The following FRMPD4 variants were observed in gnomAD, a reference collection of about 807,000 sequenced individuals.
FRMPD4 encodes FERM and PDZ domain containing 4.
In FRMPD4, 22 loss-of-function variants were observed where a neutral mutation model predicts 94.1. The observed-to-expected ratio is 0.23, with a 90% CI of 0.17 to 0.33. The LOEUF is 0.33. FRMPD4 is among the 10% of genes least tolerant of loss of function. The pLI, the probability that FRMPD4 is intolerant of heterozygous loss-of-function variation, is 1.00. For missense variants in FRMPD4, 1,111 were observed against 1,339.9 expected (o/e 0.83, Z 2.67); for synonymous variants, 631 against 548.6 (o/e 1.15, Z -2.10).
intron 1 of FRMPD4, among the ~76,000 whole-genome samples, chrX:11,835,018 C>G (rs2053494009): frequency 9.0e-6 from 1 of 111,570 alleles, no homozygotes. Context: ...AGGAATAGCT[C>G]CTTTATCTTC....
chrX:12,153,261 A>G (rs907736012), intron 1 of FRMPD4, among the ~76,000 whole-genome samples: 11 of 112,071 alleles, frequency 9.8e-5, no homozygotes, highest in African/African-American at 3.2e-4. Context: ...AATTTTATTA[A>G]TTGTTGACAG....
intron 1 of FRMPD4, among the ~76,000 whole-genome samples, chrX:11,830,423 C>T (rs942604573): frequency 3.6e-5 from 4 of 110,324 alleles, no homozygotes; most frequent in African/African-American, 6.6e-5. Context: ...TTTCAAATGG[C>T]GACACATGCA....
intron 3 of FRMPD4, among the ~76,000 whole-genome samples, chrX:11,926,258 C>CAAAAAAAAAAA (rs763084115): frequency 6.5e-5 from 2 of 30,712 alleles, no homozygotes; most frequent in African/African-American, 1.6e-4. Context: ...GCTTACCAAC[C>CAAAAAAAAAAA]AAAAAAAAAA....
intron 1 of FRMPD4, among the ~76,000 whole-genome samples, chrX:12,325,239 T>A (rs1249922732): frequency 8.9e-6 from 1 of 112,450 alleles, no homozygotes; most frequent in African/African-American, 3.2e-5. Flanking sequence ...GAGTCTAAAT[T>A]TTCCAACTCT....
intron 3 of FRMPD4, among the ~76,000 whole-genome samples, chrX:12,094,765 C>T (rs1397500882): frequency 8.9e-6 from 1 of 112,517 alleles, no homozygotes; most frequent in Non-Finnish European, 1.9e-5. Context: ...TTGTTGCATA[C>T]ATTAACTGAA....
At chrX:12,655,895 TAC>T (rs2059650281) in intron 4 of FRMPD4, among the ~76,000 whole-genome samples, 1 of 112,365 alleles carries the variant, frequency 8.9e-6, no homozygotes, top group Non-Finnish European at 1.9e-5. Context: ...ATAATTTTCA[TAC>T]AGTTTGTGCT....
At chrX:12,011,361 C>T (rs1460902476) in intron 3 of FRMPD4, among the ~76,000 whole-genome samples, 1 of 112,094 alleles carries the variant, frequency 8.9e-6, no homozygotes, top group Non-Finnish European at 1.9e-5. Context: ...TAGAGCTACA[C>T]TGTCCAACAT....
intron 5 of FRMPD4, among the ~76,000 whole-genome samples, chrX:12,681,532 T>G (rs1438606533): frequency 1.8e-5 from 2 of 111,483 alleles, no homozygotes; most frequent in Admixed American, 1.9e-4. Flanking sequence ...GCCATTCTCT[T>G]AAAACATCTT....
chrX:11,856,125 C>T (rs1473763237), intron 1 of FRMPD4, among the ~76,000 whole-genome samples: 1 of 111,527 alleles, frequency 9.0e-6, no homozygotes, highest in African/African-American at 3.3e-5. Flanking sequence ...GCTTATAAAA[C>T]CATCAGATCT....
At chrX:11,899,687 G>A (rs1054755754) in intron 3 of FRMPD4, among the ~76,000 whole-genome samples, 3 of 111,603 alleles carry the variant, frequency 2.7e-5, no homozygotes, top group African/African-American at 9.8e-5. Flanking sequence ...CAACAATAAT[G>A]AGCATAATTT....
Position 12,237,250 on chromosome X carries a change from A to ATT in FRMPD4, c.41+98238_41+98239insTT, listed in dbSNP as rs1169460417. ...CATATTGTATACATCTAAGTACAGA[A>ATT]ATTTTTTTTTTGGTATTTGTTTTGT... is the stretch of plus-strand genomic sequence containing the variant. On this transcript the variant is annotated intron_variant, in intron 1 of 16. Coordinates refer to ENST00000675598, the MANE Select transcript of FRMPD4 (RefSeq NM_001368397.1). Among the ~76,000 whole-genome samples, 3 of 101,232 alleles carry ATT rather than the reference A, an allele frequency of 3.0e-5. No individual in the cohort carries two copies. In the East Asian group the frequency reaches 1.4e-3, roughly 46 times the overall value. The allele number at this position is 101,232 out of a possible 115,157, so 87.9% of individuals were successfully genotyped here.
At chrX:12,030,637 A>G (rs1043600770) in intron 3 of FRMPD4, among the ~76,000 whole-genome samples, 1 of 112,302 alleles carries the variant, frequency 8.9e-6, no homozygotes, top group African/African-American at 3.2e-5. Flanking sequence ...GAACCATGCT[A>G]AGACAAATGG....
intron 1 of FRMPD4, among the ~76,000 whole-genome samples, chrX:12,457,517 T>C (rs1423170495): frequency 2.7e-5 from 3 of 111,945 alleles, no homozygotes; most frequent in Non-Finnish European, 5.6e-5. Context: ...ACATACGGTA[T>C]AGATACTATT....
At chrX:12,502,870 G>A (rs777276827) in intron 2 of FRMPD4, among the ~76,000 whole-genome samples, 1 of 112,219 alleles carries the variant, frequency 8.9e-6, no homozygotes, top group Admixed American at 9.4e-5. Flanking sequence ...ACCCAGGAGA[G>A]TCCTGGTTTA....
intron 2 of FRMPD4, among the ~76,000 whole-genome samples, chrX:12,540,844 A>C (rs2058401308): frequency 8.9e-6 from 1 of 111,953 alleles, no homozygotes; most frequent in African/African-American, 3.3e-5. Context: ...TTGGAAGTAA[A>C]GCAGTCCTCG....
chrX:12,216,126 A>T (rs918247200), intron 1 of FRMPD4, among the ~76,000 whole-genome samples: 1 of 111,952 alleles, frequency 8.9e-6, no homozygotes, highest in Non-Finnish European at 1.9e-5. Flanking sequence ...AGTAGTGCAA[A>T]CAACCATTTA....
At chrX:12,485,589 G>C (rs2057731077) in intron 1 of FRMPD4, among the ~76,000 whole-genome samples, 1 of 111,577 alleles carries the variant, frequency 9.0e-6, no homozygotes, top group Non-Finnish European at 1.9e-5. Flanking sequence ...ACAGAGAAGG[G>C]AATCCTAGAC....
chrX:12,430,844 C>A (rs186310456), intron 1 of FRMPD4, among the ~76,000 whole-genome samples: 139 of 112,312 alleles, frequency 1.2e-3, no homozygotes, highest in African/African-American at 4.4e-3. Context: ...AATTTTGTCT[C>A]TAGGTAAAAT....
intron 2 of FRMPD4, among the ~76,000 whole-genome samples, chrX:12,542,690 C>T (rs1435073445): frequency 9.0e-6 from 1 of 111,697 alleles, no homozygotes; most frequent in African/African-American, 3.3e-5. Context: ...TCAATGCCAT[C>T]CCCATCAAGC....
Sources: gnomAD v4.1 joint callset for allele counts (sites outside exome capture counted in the v4.1 genomes callset) on GRCh38, gnomAD v4.1.1 for gene constraint, MANE v1.5 for transcripts, NCBI Gene and HGNC (gene_info 2026-07-23, HGNC 2026-07-21) for gene names.